Variants in CCDC91 observed in about 807,000 individuals in gnomAD.
CCDC91 encodes the protein coiled-coil domain-containing protein 91.
In CCDC91, 48 loss-of-function variants were observed where a neutral mutation model predicts 63.2. That is an observed-to-expected ratio of 0.76 (90% CI 0.60 to 0.97). CCDC91 has a LOEUF of 0.97. Among genes scored for constraint, CCDC91 ranks in the 50% least tolerant of loss-of-function variants. The pLI is 0.00. For synonymous variants in CCDC91, 167 were observed against 165.8 expected (o/e 1.01, Z -0.06); for missense variants, 500 against 494.6 (o/e 1.01, Z -0.10).
chr12:28,328,422 C>G (rs1017742624), intron 6 of CCDC91, among the ~76,000 whole-genome samples: 5 of 151,656 alleles, frequency 3.3e-5, no homozygotes, highest in African/African-American at 1.2e-4. Flanking sequence ...ATATTGAGGC[C>G]AAGAAAAAAA....
At chr12:28,487,433 G>T (rs1181719271) in intron 12 of CCDC91, among the ~76,000 whole-genome samples, 2 of 151,590 alleles carry the variant, frequency 1.3e-5, no homozygotes, top group Admixed American at 6.6e-5. Flanking sequence ...ATATCTTGGG[G>T]TTTGGAAAAT....
chr12:28,203,975 A>G (rs1245876310), intron 1 of CCDC91, among the ~76,000 whole-genome samples: 4 of 152,220 alleles, frequency 2.6e-5, no homozygotes, highest in African/African-American at 9.6e-5. Context: ...TAGTTAAAAA[A>G]AACAACCAGA....
intron 8 of CCDC91, among the ~76,000 whole-genome samples, chr12:28,445,227 T>G (rs1273719972): frequency 6.6e-6 from 1 of 152,162 alleles, no homozygotes; most frequent in African/African-American, 2.4e-5. Flanking sequence ...GGTATTAGAA[T>G]TATTTGGGAT....
chr12:28,198,981 A>C (rs1480841831), intron 1 of CCDC91: 1 of 151,088 alleles, frequency 6.6e-6, no homozygotes, highest in South Asian at 2.1e-4. Context: ...TGGCGCCATC[A>C]TAGCTCACTG....
At chr12:28,335,747 A>G (rs1339215396) in intron 6 of CCDC91, among the ~76,000 whole-genome samples, 3 of 152,004 alleles carry the variant, frequency 2.0e-5, no homozygotes, top group Non-Finnish European at 4.4e-5. Context: ...AAATACTTCA[A>G]CCATTTTTAG....
chr12:28,306,776 C>T lies in CCDC91; in HGVS notation c.302C>T (p.Ser101Leu). The T allele has an allele frequency of 6.2e-7, 1 of 1,611,186 alleles. No homozygotes were observed. The highest frequency in any genetic ancestry group is 1.1e-5 in the South Asian group (1 of 90,926). Residue 101 changes from serine (S) to leucine (L), a missense_variant, in exon 5 of 13, where the codon TCA becomes TTA. By Grantham distance (145) the Ser-to-Leu change is moderately radical (BLOSUM62 -2). Coordinates refer to ENST00000536442, the MANE Select transcript of CCDC91 (RefSeq NM_018318.5). ...QQSTHTHLDISLFPLGLTDEK... is the reference protein window; with the variant it reads ...QQSTHTHLDILLFPLGLTDEK... The stretch of plus-strand genomic sequence containing the variant: ...TCAACACACACTCATCTGGATATCT[C>T]ACTTTTTCCATTGGGTTTAACTGAT...
chr12:28,474,111 A>T (rs1247934252), intron 11 of CCDC91, among the ~76,000 whole-genome samples: 2 of 152,014 alleles, frequency 1.3e-5, no homozygotes, highest in Admixed American at 6.6e-5. Context: ...ATTCACATTT[A>T]TTATTTCTTT....
chr12:28,416,856 C>T (rs190832647), intron 8 of CCDC91, among the ~76,000 whole-genome samples: 11 of 152,190 alleles, frequency 7.2e-5, no homozygotes, highest in African/African-American at 2.6e-4. Flanking sequence ...TACACACACA[C>T]TTATCATATG....
In CCDC91 at chr12:28,536,028, C is replaced by CAA. The variant is rs35608455; in HGVS notation, c.1216-13021_1216-13020dup. 1.7e-3 allele frequency among the ~76,000 whole-genome samples: 198 copies of CAA among 117,294 alleles called. 1 individual carries two copies. The highest frequency in any genetic ancestry group is 5.5e-3 in the African/African-American group (184 of 33,436). The allele number at this position is 117,294 out of a possible 152,430, so 76.9% of individuals were successfully genotyped here. A position where few individuals can be genotyped will look rare whatever the true frequency, so the allele number is the denominator to read the frequency against. On this transcript the variant is annotated intron_variant, in intron 12 of 12. Transcript: ENST00000536442. ...TGGGTGACAGGGCAAGACTCCATCT[C>CAA]AAAAAAAAAAAAAAATATATATTGT...
At chr12:28,505,912 C>A (rs945480963) in intron 12 of CCDC91, among the ~76,000 whole-genome samples, 1 of 151,940 alleles carries the variant, frequency 6.6e-6, no homozygotes, top group Non-Finnish European at 1.5e-5. Flanking sequence ...AGCACCTTTG[C>A]GCCACAGGAA....
intron 8 of CCDC91, among the ~76,000 whole-genome samples, chr12:28,421,506 G>A (rs1156789018): frequency 5.3e-5 from 8 of 150,934 alleles, no homozygotes; most frequent in East Asian, 2.0e-4. Context: ...AATGACCTCC[G>A]GCTCCATCCA....
intron 3 of CCDC91, among the ~76,000 whole-genome samples, chr12:28,274,637 CTGTT>C (rs1358797299): frequency 6.6e-6 from 1 of 151,982 alleles, no homozygotes; most frequent in African/African-American, 2.4e-5. Flanking sequence ...ATTTGGCTCT[CTGTT>C]TGTCTGTTAT....
At chr12:28,516,959 T>C (rs185602896) in intron 12 of CCDC91, among the ~76,000 whole-genome samples, 1 of 151,926 alleles carries the variant, frequency 6.6e-6, no homozygotes, top group Admixed American at 6.6e-5. Context: ...TGCCCACTAG[T>C]CAGTCATGCA....
At chr12:28,390,398 A>C (rs1420376281) in intron 7 of CCDC91, among the ~76,000 whole-genome samples, 1 of 152,072 alleles carries the variant, frequency 6.6e-6, no homozygotes. Context: ...ACAGACATCT[A>C]AAAATAGAAT....
intron 1 of CCDC91, among the ~76,000 whole-genome samples, chr12:28,217,022 A>C (rs1393477219): frequency 6.6e-5 from 10 of 152,142 alleles, no homozygotes; most frequent in Non-Finnish European, 1.0e-4. Context: ...CATTCGTATA[A>C]TACTACTCAG....
In CCDC91 at chr12:28,214,954, A is replaced by G. The variant is rs573658509; in HGVS notation, c.-15+24313A>G. Among the ~76,000 whole-genome samples the G allele has an allele frequency of 5.3e-5, 8 of 152,320 alleles. No homozygotes were observed. The East Asian group carries it at 5.8e-4, about 11-fold the overall frequency. On this transcript the variant is annotated intron_variant, in intron 1 of 12. Transcript: ENST00000536442. ...GAGGTACTCACAGATTTGATTAAACATTATTCTAGGTATGTCTTTGAGAGT... is the reference window on the plus strand; with the variant it reads ...GAGGTACTCACAGATTTGATTAAACGTTATTCTAGGTATGTCTTTGAGAGT...
At chr12:28,369,274 G>C (rs1331338619) in intron 7 of CCDC91, among the ~76,000 whole-genome samples, 1 of 152,074 alleles carries the variant, frequency 6.6e-6, no homozygotes, top group East Asian at 1.9e-4. Context: ...ATTCAAAATG[G>C]AAGAAATTGG....
chr12:28,400,884 C>G (rs1946578981), intron 8 of CCDC91, among the ~76,000 whole-genome samples: 1 of 152,168 alleles, frequency 6.6e-6, no homozygotes, highest in Non-Finnish European at 1.5e-5. Context: ...GACTTATTGT[C>G]CATATCACTA....
At position 28,298,361 on chromosome 12, in the gene CCDC91, G is replaced by GTTT. The variant is rs113354105; in HGVS notation, c.110-7274_110-7272dup. ...TTATTGGTCTGTTGCTGATTGTTGA[G>GTTT]TTTTTTTTTTTTTTTTCCCCCCACA... On this transcript the variant is annotated intron_variant, in intron 3 of 12. Coordinates refer to ENST00000536442, the MANE Select transcript of CCDC91 (RefSeq NM_018318.5). 3.7e-4 allele frequency among the ~76,000 whole-genome samples: 45 copies of GTTT among 122,090 alleles called. 1 individual carries two copies. The highest frequency in any genetic ancestry group is 4.4e-3 in the Middle Eastern group (1 of 228). 80.1% of individuals were successfully genotyped at this position (122,090 alleles called of 152,430 possible). A position where few individuals can be genotyped will look rare whatever the true frequency, so the allele number is the denominator to read the frequency against.
Sources: allele counts gnomAD v4.1 joint callset (sites outside exome capture counted in the v4.1 genomes callset), GRCh38; gene constraint gnomAD v4.1.1; transcripts MANE v1.5; gene names NCBI Gene and HGNC (gene_info 2026-07-23, HGNC 2026-07-21).